The following TJP1 variants were observed in gnomAD, a reference collection of about 807,000 sequenced individuals.
TJP1 encodes the protein tight junction protein ZO-1.
A neutral mutation model predicts 194.2 loss-of-function variants in TJP1; 43 were observed. The ratio of observed to expected loss-of-function variants is 0.22; its 90% CI spans 0.17 to 0.29. The LOEUF (loss-of-function observed/expected upper bound fraction) is 0.29, where lower values mean the gene tolerates loss of function less well. Ranked by LOEUF, TJP1 falls within the 10% of genes least tolerant of loss-of-function variation. The pLI is 1.00. For missense variants in TJP1, 1,971 were observed against 2,185.7 expected (o/e 0.90, Z 1.96); for synonymous variants, 801 against 779.0 (o/e 1.03, Z -0.47).
intron 2 of TJP1, among the ~76,000 whole-genome samples, chr15:29,859,127 A>C (rs1439507953): frequency 6.6e-6 from 1 of 152,226 alleles, no homozygotes. Flanking sequence ...TGTAATAACA[A>C]GGAAAAAGTA....
At chr15:29,871,346 G>A (rs745949745) in intron 2 of TJP1, among the ~76,000 whole-genome samples, 13 of 152,166 alleles carry the variant, frequency 8.5e-5, no homozygotes, top group African/African-American at 2.9e-4. Context: ...TGGTTTTTCC[G>A]GCTGTGGTAG....
intron 25 of TJP1, among the ~76,000 whole-genome samples, chr15:29,707,547 G>T (rs1174933507): frequency 2.0e-5 from 3 of 152,120 alleles, no homozygotes; most frequent in Non-Finnish European, 4.4e-5. Flanking sequence ...CCTGACCTTT[G>T]GTTCTCCCTG....
Position 29,773,336 on chromosome 15 carries a change from T to C in TJP1, c.106A>G (p.Ile36Val). 1 of 1,613,884 alleles carries C rather than the reference T, an allele frequency of 6.2e-7. No homozygotes were observed. The highest frequency in any genetic ancestry group is 8.5e-7 in the Non-Finnish European group (1 of 1,179,826). Residue 36 changes from isoleucine (I) to valine (V), a missense_variant, in exon 3 of 28, where the codon ATT (isoleucine) becomes GTT (valine). Ile to Val is a conservative substitution (Grantham distance 29, BLOSUM62 3). Coordinates refer to ENST00000614355, the MANE Select transcript of TJP1 (RefSeq NM_001330239.4). ...TTATCTCGTCCACCAGATATTGCAA[T>C]TCCAAATCCAAATCCAGGAGCCTAA... ...LHRAPGFGFG[I>V]AISGGRDNPH...
At chr15:29,911,057 A>G (rs1348110859) in intron 2 of TJP1, among the ~76,000 whole-genome samples, 1 of 152,264 alleles carries the variant, frequency 6.6e-6, no homozygotes, top group Non-Finnish European at 1.5e-5. Flanking sequence ...TAGGGAGAGC[A>G]GATGCAAATA....
intron 25 of TJP1, among the ~76,000 whole-genome samples, chr15:29,707,720 A>G (rs1325829415): frequency 6.6e-6 from 1 of 152,216 alleles, no homozygotes; most frequent in South Asian, 2.1e-4. Flanking sequence ...ACTTTGTCTC[A>G]TTTGCTCAGC....
chr15:29,715,148 T>C (rs1392627956), intron 23 of TJP1, among the ~76,000 whole-genome samples: 1 of 152,150 alleles, frequency 6.6e-6, no homozygotes. Context: ...TTTTTGTTCT[T>C]GTGGGTTTTG....
At chr15:29,886,431 T>C (rs2053117157) in intron 2 of TJP1, among the ~76,000 whole-genome samples, 1 of 151,976 alleles carries the variant, frequency 6.6e-6, no homozygotes, top group Non-Finnish European at 1.5e-5. Context: ...AGGAATCAAA[T>C]GGTAAACAAT....
intron 2 of TJP1, among the ~76,000 whole-genome samples, chr15:29,897,380 T>G (rs766642898): frequency 6.6e-6 from 1 of 152,122 alleles, no homozygotes; most frequent in Non-Finnish European, 1.5e-5. Context: ...AGAGGATATA[T>G]GGAAATGCCT....
chr15:29,726,348 C>T (rs1304887790), intron 18 of TJP1, 31 bp downstream of exon 18: 2 of 1,556,852 alleles, frequency 1.3e-6, no homozygotes, highest in Non-Finnish European at 1.8e-6. Flanking sequence ...ATTTACTGAA[C>T]AAGTCAAAAA....
intron 8 of TJP1, among the ~76,000 whole-genome samples, chr15:29,757,665 T>G (rs1041122148): frequency 6.6e-6 from 1 of 152,218 alleles, no homozygotes; most frequent in Non-Finnish European, 1.5e-5. Flanking sequence ...AATTAAATTC[T>G]CACCACAAAA....
chr15:29,723,190 G>A (rs1217353143), intron 18 of TJP1, among the ~76,000 whole-genome samples: 4 of 152,120 alleles, frequency 2.6e-5, no homozygotes, highest in African/African-American at 4.8e-5. Context: ...ATTTGGGAGG[G>A]ACCAGGAACA....
At chr15:29,744,851 G>A (rs1169002401) in intron 8 of TJP1, among the ~76,000 whole-genome samples, 2 of 152,122 alleles carry the variant, frequency 1.3e-5, no homozygotes, top group Non-Finnish European at 2.9e-5. Context: ...GATGACAAGA[G>A]TACAAAGAGA....
intron 2 of TJP1, among the ~76,000 whole-genome samples, chr15:29,836,347 A>G (rs533596076): frequency 6.6e-6 from 1 of 151,056 alleles, no homozygotes; most frequent in South Asian, 2.1e-4. Context: ...ATCTCAGCTC[A>G]CTGCAAGCTC....
chr15:29,766,240 A>G, intron 5 of TJP1, 26 bp downstream of exon 5: 1 of 1,589,422 alleles, frequency 6.3e-7, no homozygotes, highest in Non-Finnish European at 8.5e-7. Flanking sequence ...CATGTGAAAA[A>G]AACAGCAAGA....
rs1384480134 is a variant in TJP1, at chr15:29,720,397, A to G, written c.2724T>C (p.His908=). The G allele has an allele frequency of 1.2e-6, 2 of 1,609,292 alleles. No individual in the cohort carries two copies. Among genetic ancestry groups the G allele is most frequent in the Non-Finnish European group, 1.7e-6 (2 of 1,177,532 alleles). ...YSPQAQPQPI[H]RIDSPGFKPA... is the part of the protein sequence containing the mutation. ...GCTTAAATCCAGGGGAGTCTATTCT[A>G]TGAATTGGTTGTGGCTGCGCTTGTG... Residue 908 remains histidine (H), a synonymous_variant, in exon 19 of 28, where the codon CAT becomes CAC. Coordinates refer to ENST00000614355, the MANE Select transcript of TJP1 (RefSeq NM_001330239.4).
intron 1 of TJP1, among the ~76,000 whole-genome samples, chr15:29,806,799 C>T (rs2049139987): frequency 6.6e-6 from 1 of 152,068 alleles, no homozygotes; most frequent in African/African-American, 2.4e-5. Context: ...GGGAATAGTG[C>T]TACATGTTAA....
At chr15:29,919,048 A>C (rs1184592351) in intron 2 of TJP1, among the ~76,000 whole-genome samples, 5 of 152,218 alleles carry the variant, frequency 3.3e-5, no homozygotes, top group African/African-American at 1.2e-4. Flanking sequence ...GCCGGGAATA[A>C]AGACGCTAAA....
At chr15:29,807,531 G>C (rs1050917841) in intron 1 of TJP1, among the ~76,000 whole-genome samples, 3 of 152,166 alleles carry the variant, frequency 2.0e-5, no homozygotes, top group Non-Finnish European at 4.4e-5. Flanking sequence ...GAGATGAAGA[G>C]AGAGTGACAG....
At chr15:29,759,995 G>A in intron 8 of TJP1, 1 of 487,532 alleles carries the variant, frequency 2.1e-6, no homozygotes, top group South Asian at 3.9e-5. Context: ...GGAATTGCTG[G>A]ATCATGTGCT....
Sources: gnomAD v4.1 joint callset for allele counts (sites outside exome capture counted in the v4.1 genomes callset) on GRCh38, gnomAD v4.1.1 for gene constraint, MANE v1.5 for transcripts, NCBI Gene and HGNC (gene_info 2026-07-23, HGNC 2026-07-21) for gene names.